Variants in SMARCA2 observed in about 807,000 individuals in gnomAD.
The protein encoded by SMARCA2 is SWI/SNF related BAF chromatin remodeling complex subunit ATPase 2.
SMARCA2 carries 61 observed loss-of-function variants against 199.8 expected under a neutral mutation model. The observed-to-expected ratio is 0.31, with a 90% CI of 0.25 to 0.38. SMARCA2 has a LOEUF of 0.38. Ranked by LOEUF, SMARCA2 falls within the 10% of genes least tolerant of loss-of-function variation. The pLI, the probability that SMARCA2 is intolerant of heterozygous loss-of-function variation, is 1.00. For synonymous variants in SMARCA2, 935 were observed against 732.0 expected (o/e 1.28, Z -4.48); for missense variants, 1,344 against 2,012.2 (o/e 0.67, Z 6.35).
chr9:2,145,315 AAAAAAAAAAAAAAAG>A (rs1190593968), intron 27 of SMARCA2, among the ~76,000 whole-genome samples: 1 of 16,340 alleles, frequency 6.1e-5, no homozygotes, highest in East Asian at 5.6e-3. Flanking sequence ...AAAAAAAAAA[AAAAAAAAAAAAAAAG>A]AGAGAGAAAC....
intron 23 of SMARCA2, among the ~76,000 whole-genome samples, chr9:2,107,985 G>A (rs1340811796): frequency 6.6e-6 from 1 of 152,160 alleles, no homozygotes; most frequent in African/African-American, 2.4e-5. Flanking sequence ...GTGGGGTGGT[G>A]TAAGGCACAG....
At chr9:2,178,347 C>T (rs139420642) in intron 29 of SMARCA2, among the ~76,000 whole-genome samples, 1 of 152,278 alleles carries the variant, frequency 6.6e-6, no homozygotes, top group African/African-American at 2.4e-5. Flanking sequence ...TAAAATCCAT[C>T]CGATGTCACA....
At chr9:2,147,992 C>T (rs986952357) in intron 27 of SMARCA2, among the ~76,000 whole-genome samples, 1 of 151,594 alleles carries the variant, frequency 6.6e-6, no homozygotes, top group African/African-American at 2.4e-5. Context: ...AGCCACTATA[C>T]CCAGCCATGA....
At chr9:2,121,631 T>C (rs529927243) in intron 26 of SMARCA2, among the ~76,000 whole-genome samples, 180 of 152,360 alleles carry the variant, frequency 1.2e-3, no homozygotes, top group African/African-American at 4.1e-3. Context: ...GTGAGTTCTC[T>C]ATAAAATTAA....
At chr9:2,128,032 T>G (rs952864582) in intron 27 of SMARCA2, among the ~76,000 whole-genome samples, 2 of 152,204 alleles carry the variant, frequency 1.3e-5, no homozygotes, top group African/African-American at 4.8e-5. Context: ...TTAGATGTCC[T>G]TAGTGTTAGC....
At chr9:2,100,937 C>G (rs1822484337) in intron 21 of SMARCA2, among the ~76,000 whole-genome samples, 1 of 152,008 alleles carries the variant, frequency 6.6e-6, no homozygotes, top group Admixed American at 6.6e-5. Context: ...AAAGGAACGT[C>G]TTACATGGTG....
At chr9:2,174,548 T>G (rs1826429637) in intron 29 of SMARCA2, among the ~76,000 whole-genome samples, 1 of 152,100 alleles carries the variant, frequency 6.6e-6, no homozygotes, top group Non-Finnish European at 1.5e-5. Context: ...GGCATTTGAT[T>G]TTGTCTGCAG....
intron 27 of SMARCA2, among the ~76,000 whole-genome samples, chr9:2,152,048 C>G (rs906943064): frequency 6.6e-6 from 1 of 151,654 alleles, no homozygotes; most frequent in Non-Finnish European, 1.5e-5. Context: ...TATAGGAGGA[C>G]TTTTGACTGC....
At chr9:2,035,493 C>T (rs1036744198) in intron 3 of SMARCA2, among the ~76,000 whole-genome samples, 1 of 152,178 alleles carries the variant, frequency 6.6e-6, no homozygotes, top group Non-Finnish European at 1.5e-5. Context: ...ACTTTAAATG[C>T]ACAAATCATA....
chr9:2,089,794 T>C (rs1821971985), intron 19 of SMARCA2, among the ~76,000 whole-genome samples: 1 of 152,216 alleles, frequency 6.6e-6, no homozygotes, highest in Admixed American at 6.5e-5. Context: ...TGAATGGGTA[T>C]AGTGGCCATG....
intron 25 of SMARCA2, among the ~76,000 whole-genome samples, chr9:2,117,363 A>G (rs374994908): frequency 6.6e-6 from 1 of 152,236 alleles, no homozygotes; most frequent in East Asian, 1.9e-4. Context: ...TAAAAAATAC[A>G]TATGCACATG....
At position 2,077,625 on chromosome 9, in the gene SMARCA2, C is replaced by A. The variant is rs772646899; in HGVS notation, c.2037-4C>A. ...GTGTGATTCTCCACTTTTTCCTTTC[C>A]CAGGACAGCTAAGCAAGACGTGGAT... On this transcript the variant is annotated splice_region_variant and splice_polypyrimidine_tract_variant and intron_variant, in intron 13 of 33. Transcript: ENST00000349721. 34 of 1,612,612 alleles carry A rather than the reference C, an allele frequency of 2.1e-5. No individual in the cohort carries two copies. The highest frequency in any genetic ancestry group is 1.6e-4 in the Middle Eastern group (1 of 6,066).
chr9:2,160,925 T>C (rs1457574925), intron 27 of SMARCA2: 1 of 299,736 alleles, frequency 3.3e-6, no homozygotes, highest in African/African-American at 2.2e-5. Flanking sequence ...GTCACATGGA[T>C]CTTTTAGCCC....
rs190765534 is a variant in SMARCA2 at position 2,104,204 on chromosome 9, C to G, written c.3292+35C>G. Reference sequence around the variant, plus strand: ...TAAGGCATTAGGCTCGGAAGCCATACTACTGAAAATGAAGGGATAATGGGC... The same window carrying G: ...TAAGGCATTAGGCTCGGAAGCCATAGTACTGAAAATGAAGGGATAATGGGC... On this transcript the variant is annotated intron_variant, in intron 23 of 33. Coordinates refer to ENST00000349721, the MANE Select transcript of SMARCA2 (RefSeq NM_003070.5). The surrounding 1 kb of genome is among the most constrained non-coding windows in gnomAD (Gnocchi z 4.0). 6.0e-4 allele frequency: 954 copies of G among 1,583,166 alleles called. 4 individuals carry two copies. In the African/African-American group the frequency reaches 0.011, roughly 18 times the overall value.
At chr9:2,032,373 C>T (rs956719347) in intron 2 of SMARCA2, 1 of 152,276 alleles carries the variant, frequency 6.6e-6, no homozygotes, top group African/African-American at 2.4e-5. Flanking sequence ...TAACCTTTTC[C>T]GTTCCTCCTC....
chr9:2,097,854 T>C (rs1822338264), intron 21 of SMARCA2, among the ~76,000 whole-genome samples: 2 of 152,268 alleles, frequency 1.3e-5, no homozygotes, highest in African/African-American at 4.8e-5. Context: ...TGAAAAATAT[T>C]AAAATAATGT....
intron 29 of SMARCA2, among the ~76,000 whole-genome samples, chr9:2,173,665 C>T (rs1287207131): frequency 6.6e-6 from 1 of 152,146 alleles, no homozygotes; most frequent in African/African-American, 2.4e-5. Context: ...TTTCATGATG[C>T]TTCCCAGAGT....
chr9:2,137,763 G>A (rs1393786400), intron 27 of SMARCA2, among the ~76,000 whole-genome samples: 4 of 151,812 alleles, frequency 2.6e-5, no homozygotes, highest in African/African-American at 9.7e-5. Flanking sequence ...TGCGTGGTAA[G>A]CACTCTTTAA....
intron 3 of SMARCA2, among the ~76,000 whole-genome samples, chr9:2,034,540 A>G (rs1819233298): frequency 6.6e-6 from 1 of 152,216 alleles, no homozygotes; most frequent in Non-Finnish European, 1.5e-5. Flanking sequence ...CACTAATTAA[A>G]ATTAATATGT....
Sources: allele counts gnomAD v4.1 joint callset (sites outside exome capture counted in the v4.1 genomes callset), GRCh38; gene constraint gnomAD v4.1.1; non-coding constraint Gnocchi (gnomAD v3.1); transcripts MANE v1.5; gene names NCBI Gene and HGNC (gene_info 2026-07-23, HGNC 2026-07-21).